IMMP2L: variants seen among roughly 807,000 people sequenced by gnomAD.
IMMP2L encodes inner mitochondrial membrane peptidase subunit 2, also known as mitochondrial inner membrane protease subunit 2.
Under a neutral mutation model 19.3 loss-of-function variants are expected in IMMP2L, and 18 were observed. The observed-to-expected ratio is 0.93, with a 90% CI of 0.64 to 1.38. The LOEUF is 1.38. IMMP2L is among the 40% of genes most tolerant of loss of function. The pLI, the probability that IMMP2L is intolerant of heterozygous loss-of-function variation, is 0.00. For missense variants in IMMP2L, 233 were observed against 218.2 expected (o/e 1.07, Z -0.43); for synonymous variants, 76 against 73.0 (o/e 1.04, Z -0.21).
At chr7:110,894,891 T>C (rs1811166473) in intron 4 of IMMP2L, among the ~76,000 whole-genome samples, 1 of 152,196 alleles carries the variant, frequency 6.6e-6, no homozygotes, top group Admixed American at 6.5e-5. Flanking sequence ...ATTTTTTACA[T>C]ATGGTTATCC....
chr7:111,344,140 G>T (rs927635404), intron 3 of IMMP2L, among the ~76,000 whole-genome samples: 5 of 151,982 alleles, frequency 3.3e-5, no homozygotes, highest in Admixed American at 3.3e-4. Context: ...ATAAATAGAA[G>T]TCACTTTACT....
intron 5 of IMMP2L, among the ~76,000 whole-genome samples, chr7:110,675,226 A>T (rs1050360992): frequency 1.3e-5 from 2 of 152,000 alleles, no homozygotes; most frequent in African/African-American, 4.8e-5. Context: ...AAAAGTGGTG[A>T]CCCCTTTTGG....
chr7:110,797,110 T>C (rs1800915241), intron 5 of IMMP2L, among the ~76,000 whole-genome samples: 1 of 151,986 alleles, frequency 6.6e-6, no homozygotes, highest in Non-Finnish European at 1.5e-5. Flanking sequence ...TGATTCTCAA[T>C]TTAAAAGGTA....
At chr7:111,250,978 T>C (rs953707074) in intron 3 of IMMP2L, among the ~76,000 whole-genome samples, 5 of 152,092 alleles carry the variant, frequency 3.3e-5, no homozygotes, top group African/African-American at 1.2e-4. Flanking sequence ...ACCTATAGAA[T>C]GAGAGAAAAT....
intron 3 of IMMP2L, among the ~76,000 whole-genome samples, chr7:111,197,902 A>C (rs1809676986): frequency 1.3e-5 from 2 of 152,364 alleles, no homozygotes; most frequent in African/African-American, 2.4e-5. Flanking sequence ...ACACATTAGT[A>C]GGGATTTAAA....
intron 3 of IMMP2L, among the ~76,000 whole-genome samples, chr7:111,347,686 G>T (rs1349634960): frequency 2.6e-5 from 4 of 151,968 alleles, no homozygotes. Context: ...AGGTTGGGGA[G>T]TAGAGGGTTG....
chr7:111,131,148 GA>G (rs907512984), intron 3 of IMMP2L, among the ~76,000 whole-genome samples: 10 of 146,164 alleles, frequency 6.8e-5, no homozygotes, highest in Non-Finnish European at 1.4e-4. Context: ...TTTAAAAGTA[GA>G]AAAAAAAAGA....
intron 3 of IMMP2L, among the ~76,000 whole-genome samples, chr7:111,211,982 G>GC (rs994400237): frequency 6.6e-6 from 1 of 152,076 alleles, no homozygotes; most frequent in African/African-American, 2.4e-5. Flanking sequence ...GGGAGACAGA[G>GC]CAAGACTCCG....
At chr7:111,029,058 C>T (rs1827144680) in intron 3 of IMMP2L, among the ~76,000 whole-genome samples, 2 of 152,102 alleles carry the variant, frequency 1.3e-5, no homozygotes, top group Admixed American at 1.3e-4. Flanking sequence ...AGAAACTATC[C>T]AGACATGACT....
intron 3 of IMMP2L, among the ~76,000 whole-genome samples, chr7:111,379,206 TAAAA>T (rs11303513): frequency 5.1e-5 from 5 of 98,910 alleles, no homozygotes; most frequent in Admixed American, 2.2e-4. Flanking sequence ...ACCCTTATGG[TAAAA>T]AAAAAAAAAA....
rs375735588 is a variant in IMMP2L at position 110,963,510 on chromosome 7, C to T, written c.295G>A (p.Asp99Asn). Residue 99 changes from aspartate (D) to asparagine (N), a missense_variant, in exon 4 of 6, where the codon GAT becomes AAT. Asp to Asn is a conservative substitution (Grantham distance 23). Transcript: ENST00000405709. ...ACAGTAAATACTTACCTGACAATAT[C>T]TCCTTCAAGAGCAATCACTCTCTTA... ...IIKRVIALEG[D>N]IVRTIGHKNR... 1.1e-5 allele frequency: 17 copies of T among 1,598,992 alleles called. No individual in the cohort carries two copies. Among genetic ancestry groups the T allele is most frequent in the Non-Finnish European group, 1.4e-5 (16 of 1,169,004 alleles).
At chr7:110,936,637 T>C (rs963718517) in intron 4 of IMMP2L, among the ~76,000 whole-genome samples, 5 of 152,182 alleles carry the variant, frequency 3.3e-5, no homozygotes, top group Non-Finnish European at 7.3e-5. Flanking sequence ...TGGAAGACAG[T>C]GTGGTGATTC....
chr7:111,417,465 C>G (rs1047162841), intron 3 of IMMP2L, among the ~76,000 whole-genome samples: 1 of 151,714 alleles, frequency 6.6e-6, no homozygotes, highest in African/African-American at 2.4e-5. Context: ...ATTAGTTTAC[C>G]ATCTGTTCCA....
chr7:111,349,056 T>C lies in IMMP2L; in HGVS notation c.239+138182A>G, dbSNP rs1017866983. Among the ~76,000 whole-genome samples, 110 of 152,264 alleles carry C rather than the reference T, an allele frequency of 7.2e-4. 2 individuals carry two copies. Among genetic ancestry groups the C allele is most frequent in the Middle Eastern group, 3.4e-3 (1 of 294 alleles). On this transcript the variant is annotated intron_variant, in intron 3 of 5. Coordinates refer to ENST00000405709, the MANE Select transcript of IMMP2L (RefSeq NM_032549.4). The stretch of plus-strand genomic sequence containing the variant: ...CAGAACACATCAGAGGCTGTTTTAT[T>C]TCCAGACATAGTTTTCCTGAAATTT...
intron 5 of IMMP2L, among the ~76,000 whole-genome samples, chr7:110,755,697 A>T (rs951223012): frequency 3.3e-5 from 5 of 152,072 alleles, no homozygotes; most frequent in Admixed American, 6.6e-5. Flanking sequence ...GGTGTAGCGG[A>T]ACTGAGGAGA....
At chr7:110,838,994 A>C (rs1353054162) in intron 5 of IMMP2L, among the ~76,000 whole-genome samples, 1 of 152,120 alleles carries the variant, frequency 6.6e-6, no homozygotes, top group Admixed American at 6.6e-5. Flanking sequence ...TATTAATATG[A>C]TAATAACAGC....
At chr7:111,549,301 T>C (rs1849226427) in intron 1 of IMMP2L, among the ~76,000 whole-genome samples, 1 of 152,294 alleles carries the variant, frequency 6.6e-6, no homozygotes, top group Non-Finnish European at 1.5e-5. Flanking sequence ...AAACAGCTTA[T>C]GAAGTCCTCA....
intron 3 of IMMP2L, among the ~76,000 whole-genome samples, chr7:111,063,622 T>A (rs1794226704): frequency 6.6e-6 from 1 of 152,194 alleles, no homozygotes; most frequent in Admixed American, 6.5e-5. Flanking sequence ...TGAATGCCTT[T>A]AACAGCACCC....
chr7:110,781,489 A>G (rs1799738541), intron 5 of IMMP2L, among the ~76,000 whole-genome samples: 1 of 151,898 alleles, frequency 6.6e-6, no homozygotes, highest in South Asian at 2.1e-4. Flanking sequence ...CTAATTTGCC[A>G]TATGGTATTC....
Sources: gnomAD v4.1 joint callset for allele counts (sites outside exome capture counted in the v4.1 genomes callset) on GRCh38, gnomAD v4.1.1 for gene constraint, MANE v1.5 for transcripts, NCBI Gene and HGNC (gene_info 2026-07-23, HGNC 2026-07-21) for gene names.